The following RBFOX1 variants were observed in gnomAD, a reference collection of about 807,000 sequenced individuals.
RBFOX1 encodes the protein RNA binding protein fox-1 homolog 1.
RBFOX1 carries 8 observed loss-of-function variants against 57.7 expected under a neutral mutation model. That is an observed-to-expected ratio of 0.14 (90% confidence interval 0.08 to 0.25). The LOEUF (loss-of-function observed/expected upper bound fraction) is 0.25. Among genes scored for constraint, RBFOX1 ranks in the 10% least tolerant of loss-of-function variants. The probability of loss-of-function intolerance (pLI) is 1.00; values close to 1 mark genes in which losing one functional copy is unlikely to be tolerated. For missense variants in RBFOX1, 611 were observed against 548.5 expected (o/e 1.11, Z -1.14); for synonymous variants, 326 against 222.4 (o/e 1.47, Z -4.15).
intron 3 of RBFOX1, among the ~76,000 whole-genome samples, chr16:5,729,023 A>G (rs1268466869): frequency 6.6e-6 from 1 of 152,206 alleles, no homozygotes; most frequent in Non-Finnish European, 1.5e-5. Flanking sequence ...GAGCTCTGAA[A>G]TCATCCCAAT....
intron 2 of RBFOX1, among the ~76,000 whole-genome samples, chr16:6,341,235 T>C (rs567597375): frequency 7.9e-5 from 12 of 152,188 alleles, no homozygotes; most frequent in African/African-American, 2.9e-4. Flanking sequence ...TTGCTTTTTT[T>C]TGGCCACTAG....
intron 1 of RBFOX1, among the ~76,000 whole-genome samples, chr16:5,243,475 C>A (rs1394839250): frequency 6.6e-6 from 1 of 152,128 alleles, no homozygotes. Flanking sequence ...ACCGTCACAA[C>A]ACTTGGGGTG....
At chr16:6,601,518 G>T (rs1013513642) in intron 2 of RBFOX1, among the ~76,000 whole-genome samples, 2 of 152,204 alleles carry the variant, frequency 1.3e-5, no homozygotes, top group East Asian at 3.9e-4. Context: ...AAGGATCCTG[G>T]ACCATTCTAC....
intron 3 of RBFOX1, among the ~76,000 whole-genome samples, chr16:6,928,685 T>G (rs557010535): frequency 6.6e-6 from 1 of 152,298 alleles, no homozygotes; most frequent in Admixed American, 6.5e-5. Flanking sequence ...ACTGAAGAAC[T>G]GTGAGGTCAG....
chr16:5,957,982 G>C (rs971346975), intron 4 of RBFOX1, among the ~76,000 whole-genome samples: 1 of 152,046 alleles, frequency 6.6e-6, no homozygotes, highest in South Asian at 2.1e-4. Context: ...ACTTTTCCCA[G>C]CCTCCGGTAA....
chr16:7,648,527 A>G (rs896920673), intron 11 of RBFOX1, among the ~76,000 whole-genome samples: 2 of 152,208 alleles, frequency 1.3e-5, no homozygotes, highest in African/African-American at 4.8e-5. Flanking sequence ...CTGACCAGGA[A>G]AATTCTTCTA....
intron 4 of RBFOX1, among the ~76,000 whole-genome samples, chr16:5,941,493 G>GA (rs1031930628): frequency 2.4e-4 from 34 of 141,122 alleles, no homozygotes; most frequent in East Asian, 4.1e-4. Context: ...TTATCTCAAG[G>GA]AAAAAAAAAA....
At chr16:6,014,392 G>T (rs951512319), upstream of RBFOX1, among the ~76,000 whole-genome samples, 2 of 152,178 alleles carry the variant, frequency 1.3e-5, no homozygotes, top group Non-Finnish European at 2.9e-5. Flanking sequence ...CATTGAAACA[G>T]AGTGCAAAAG....
intron 3 of RBFOX1, among the ~76,000 whole-genome samples, chr16:5,695,231 A>G (rs1429331444): frequency 6.6e-6 from 1 of 152,052 alleles, no homozygotes; most frequent in Non-Finnish European, 1.5e-5. Context: ...TAATATTGAA[A>G]TTTTCAAACA....
intron 1 of RBFOX1, among the ~76,000 whole-genome samples, chr16:6,184,502 A>C (rs951924127): frequency 1.3e-5 from 2 of 152,130 alleles, no homozygotes; most frequent in Non-Finnish European, 2.9e-5. Context: ...TGCTTAGGTA[A>C]TGGTTTGAAC....
intron 3 of RBFOX1, among the ~76,000 whole-genome samples, chr16:7,017,845 A>T (rs1056331958): frequency 6.6e-6 from 1 of 152,134 alleles, no homozygotes; most frequent in African/African-American, 2.4e-5. Context: ...TTATTTGTGC[A>T]TTCATTCATT....
chr16:7,259,825 T>C (rs974861545), intron 4 of RBFOX1, among the ~76,000 whole-genome samples: 1 of 152,164 alleles, frequency 6.6e-6, no homozygotes, highest in African/African-American at 2.4e-5. Context: ...GAAAGGATAA[T>C]TTTATGTGTG....
intron 2 of RBFOX1, among the ~76,000 whole-genome samples, chr16:6,509,744 A>T (rs2153773475): frequency 6.6e-6 from 1 of 152,318 alleles, no homozygotes; most frequent in Middle Eastern, 3.4e-3. Context: ...AGACCCATTT[A>T]CCCTGATGTG....
chr16:5,353,736 A>AGAAC (rs1555498171), intron 1 of RBFOX1, among the ~76,000 whole-genome samples: 11 of 148,560 alleles, frequency 7.4e-5, no homozygotes, highest in Non-Finnish European at 8.9e-5. Flanking sequence ...GAAAAAAAAA[A>AGAAC]AAACCTCGCC....
chr16:6,385,266 C>G (rs150862848), intron 2 of RBFOX1, among the ~76,000 whole-genome samples: 3 of 152,340 alleles, frequency 2.0e-5, no homozygotes, highest in African/African-American at 7.2e-5. Flanking sequence ...GGACGTAGGT[C>G]TGGGTTCGAA....
At chr16:7,410,407 C>T (rs951782973) in intron 4 of RBFOX1, among the ~76,000 whole-genome samples, 4 of 152,208 alleles carry the variant, frequency 2.6e-5, no homozygotes, top group Admixed American at 2.0e-4. Context: ...CTCGGCTGAG[C>T]GTGATGGCTC....
At chr16:6,551,694 A>C (rs1203677442) in intron 2 of RBFOX1, among the ~76,000 whole-genome samples, 2 of 152,224 alleles carry the variant, frequency 1.3e-5, no homozygotes, top group Non-Finnish European at 2.9e-5. Context: ...GACTATTAAA[A>C]GATTAGAGCC....
chr16:6,883,888 A>T (rs916298688), intron 3 of RBFOX1, among the ~76,000 whole-genome samples: 3 of 152,128 alleles, frequency 2.0e-5, no homozygotes, highest in African/African-American at 7.2e-5. Flanking sequence ...TTTTAATAAA[A>T]GCTGAGACTT....
chr16:6,818,337 A>G (rs1469660560), intron 3 of RBFOX1, among the ~76,000 whole-genome samples: 3 of 152,134 alleles, frequency 2.0e-5, no homozygotes, highest in Non-Finnish European at 4.4e-5. Flanking sequence ...TGGGTGTGAC[A>G]TACGGAGCTC....
Sources: allele counts gnomAD v4.1 joint callset (sites outside exome capture counted in the v4.1 genomes callset), GRCh38; gene constraint gnomAD v4.1.1; transcripts MANE v1.5; gene names NCBI Gene and HGNC (gene_info 2026-07-23, HGNC 2026-07-21).